Variants in NWD2 observed in about 807,000 individuals in gnomAD.
NWD2 encodes NACHT and WD repeat domain-containing protein 2.
A neutral mutation model predicts 132.7 loss-of-function variants in NWD2; 37 were observed. That is an observed-to-expected ratio of 0.28 (90% CI 0.21 to 0.37). The LOEUF is 0.37. Among genes scored for constraint, NWD2 ranks in the 10% least tolerant of loss-of-function variants. The pLI is 1.00. For synonymous variants in NWD2, 705 were observed against 803.0 expected, an observed-to-expected ratio of 0.88 and a Z score of 2.06; for missense variants, 1,592 against 2,122.4, an observed-to-expected ratio of 0.75 and a Z score of 4.91.
At chr4:37,380,209 G>T (rs1232331355) in intron 3 of NWD2, among the ~76,000 whole-genome samples, 4 of 152,190 alleles carry the variant, frequency 2.6e-5, no homozygotes, top group Non-Finnish European at 5.9e-5. Flanking sequence ...GAAAATTGTA[G>T]TTGGAATTCA....
At chr4:37,371,080 T>TTC (rs1720218561) in intron 3 of NWD2, among the ~76,000 whole-genome samples, 3 of 140,878 alleles carry the variant, frequency 2.1e-5, no homozygotes, top group South Asian at 2.4e-4. Context: ...TTCTTTTTCT[T>TTC]TTTTTTTTTT....
chr4:37,385,922 A>G (rs191277692), intron 3 of NWD2, among the ~76,000 whole-genome samples: 9 of 152,294 alleles, frequency 5.9e-5, no homozygotes, highest in Admixed American at 4.6e-4. Flanking sequence ...GCTCTTAACT[A>G]TGTTACCATT....
In NWD2 at chr4:37,250,159, TACAC is replaced by T. The variant is rs59150547; in HGVS notation, c.151+4965_151+4968del. Among the ~76,000 whole-genome samples the T allele has an allele frequency of 5.0e-3, 738 of 149,058 alleles. 2 individuals carry two copies. Among genetic ancestry groups the T allele is most frequent in the East Asian group, 0.018 (92 of 5,076 alleles). On this transcript the variant is annotated intron_variant, in intron 1 of 6. Transcript: ENST00000309447. ...AGCAAAAAGCATATATGTGTGTGTA[TACAC>T]ACACACACACACACACACACACAGC...
chr4:37,388,929 T>C (rs1720626917), intron 3 of NWD2, among the ~76,000 whole-genome samples: 1 of 151,322 alleles, frequency 6.6e-6, no homozygotes, highest in African/African-American at 2.4e-5. Context: ...TTTTAACCTC[T>C]ATGATGGTGT....
chr4:37,418,582 A>G, intron 3 of NWD2, among the ~76,000 whole-genome samples: 1 of 151,934 alleles, frequency 6.6e-6, no homozygotes, highest in East Asian at 1.9e-4. Flanking sequence ...TTGATGGTAA[A>G]TATCCTTGCT....
rs541624333 is a variant in NWD2 at position 37,289,886 on chromosome 4, G to A, written c.152-36050G>A. On this transcript the variant is annotated intron_variant, in intron 1 of 6. Transcript: ENST00000309447. ...TTCAGGCAACCAGTTATCAGCAAAG[G>A]CTTTTTTTTTCCGGAGTTGTTGGTT... Among the ~76,000 whole-genome samples, 69 of 133,474 alleles carry A rather than the reference G, an allele frequency of 5.2e-4. 2 individuals carry two copies. Among genetic ancestry groups the A allele is most frequent in the Non-Finnish European group, 6.7e-4 (39 of 58,268 alleles). The allele number at this position is 133,474 out of a possible 152,430, so 87.6% of individuals were successfully genotyped here. A position where few individuals can be genotyped will look rare whatever the true frequency, so the allele number is the denominator to read the frequency against.
Position 37,300,755 on chromosome 4 carries a change from T to G in NWD2, c.152-25181T>G, listed in dbSNP as rs76592134. ...TTTAATAAGTACACCCAACAAAGAA[T>G]AAAAATACTCAAAATATTATTTTCT... On this transcript the variant is annotated intron_variant, in intron 1 of 6. Transcript: ENST00000309447. Among the ~76,000 whole-genome samples, 1,340 of 152,176 alleles carry G rather than the reference T, an allele frequency of 8.8e-3. 53 individuals are homozygous for G. In the East Asian group the frequency reaches 0.13, roughly 14 times the overall value.
intron 2 of NWD2, among the ~76,000 whole-genome samples, chr4:37,331,854 G>A (rs933117355): frequency 2.0e-5 from 3 of 151,938 alleles, no homozygotes; most frequent in African/African-American, 7.3e-5. Context: ...ACATGGTGCA[G>A]AGAAAGAATC....
intron 3 of NWD2, among the ~76,000 whole-genome samples, chr4:37,388,900 C>A (rs1218943142): frequency 6.6e-6 from 1 of 151,208 alleles, no homozygotes; most frequent in Non-Finnish European, 1.5e-5. Flanking sequence ...CCTCCAGCTC[C>A]TGATATGGGT....
chr4:37,290,335 ATG>A (rs1718332898), intron 1 of NWD2, among the ~76,000 whole-genome samples: 1 of 152,184 alleles, frequency 6.6e-6, no homozygotes, highest in Non-Finnish European at 1.5e-5. Flanking sequence ...GGCCACTACT[ATG>A]TAGATAGCCC....
At chr4:37,302,229 G>C (rs1486011303) in intron 1 of NWD2, among the ~76,000 whole-genome samples, 15 of 151,824 alleles carry the variant, frequency 9.9e-5, no homozygotes, top group Admixed American at 9.8e-4. Context: ...TTCTGTGCCT[G>C]ACCTATCTCA....
intron 5 of NWD2, among the ~76,000 whole-genome samples, chr4:37,435,370 C>A (rs1264044833): frequency 1.3e-5 from 2 of 152,174 alleles, no homozygotes; most frequent in Non-Finnish European, 2.9e-5. Context: ...ACCATTTTGA[C>A]AAATTCCAGA....
chr4:37,276,824 G>T (rs1179050774), intron 1 of NWD2, among the ~76,000 whole-genome samples: 1 of 152,110 alleles, frequency 6.6e-6, no homozygotes, highest in Non-Finnish European at 1.5e-5. Context: ...ATGAGTTCAT[G>T]TCCTTTGTAG....
At chr4:37,332,962 G>A (rs1719324608) in intron 2 of NWD2, among the ~76,000 whole-genome samples, 2 of 152,306 alleles carry the variant, frequency 1.3e-5, no homozygotes, top group South Asian at 2.1e-4. Flanking sequence ...AGTACTTGCT[G>A]TGAGCTTGGG....
chr4:37,427,824 G>A (rs530893922), intron 3 of NWD2, among the ~76,000 whole-genome samples: 2 of 150,396 alleles, frequency 1.3e-5, no homozygotes, highest in East Asian at 3.9e-4. Context: ...GAGAGAGAGA[G>A]GACATGGTCC....
chr4:37,276,990 TG>T, intron 1 of NWD2, among the ~76,000 whole-genome samples: 1 of 148,856 alleles, frequency 6.7e-6, no homozygotes, highest in African/African-American at 2.5e-5. Flanking sequence ...GTTGTGGGGT[TG>T]GGGGATGGGG....
intron 3 of NWD2, among the ~76,000 whole-genome samples, chr4:37,359,071 TC>T (rs1165152121): frequency 6.6e-6 from 1 of 152,134 alleles, no homozygotes; most frequent in Non-Finnish European, 1.5e-5. Flanking sequence ...AGAGATGTTC[TC>T]CCCCTTTTAT....
At chr4:37,282,065 T>C (rs1718140412) in intron 1 of NWD2, among the ~76,000 whole-genome samples, 1 of 152,210 alleles carries the variant, frequency 6.6e-6, no homozygotes, top group Non-Finnish European at 1.5e-5. Context: ...TATCAGCCAA[T>C]ATTTTAGAGC....
At chr4:37,294,864 AAC>A (rs1718443772) in intron 1 of NWD2, among the ~76,000 whole-genome samples, 1 of 152,236 alleles carries the variant, frequency 6.6e-6, no homozygotes, top group Non-Finnish European at 1.5e-5. Context: ...ATCTGAAAGA[AAC>A]ACAGAACCAC....
Sources: allele counts gnomAD v4.1 joint callset (sites outside exome capture counted in the v4.1 genomes callset), GRCh38; gene constraint gnomAD v4.1.1; transcripts MANE v1.5; gene names NCBI Gene and HGNC (gene_info 2026-07-23, HGNC 2026-07-21).